LIMCH1: variants seen among roughly 807,000 people sequenced by gnomAD.
The protein encoded by LIMCH1 is LIM and calponin homology domains 1.
Under a neutral mutation model 176.5 loss-of-function variants are expected in LIMCH1, and 113 were observed. That is an observed-to-expected ratio of 0.64 (90% confidence interval 0.55 to 0.75). The LOEUF is 0.75. LIMCH1 is among the 30% of genes least tolerant of loss of function. The pLI, the probability that LIMCH1 is intolerant of heterozygous loss-of-function variation, is 0.00. For missense variants in LIMCH1, 1,674 were observed against 1,814.9 expected, an observed-to-expected ratio of 0.92 and a Z score of 1.41; for synonymous variants, 619 against 645.9, an observed-to-expected ratio of 0.96 and a Z score of 0.63.
chr4:41,659,614 C>A (rs563654407), intron 18 of LIMCH1, among the ~76,000 whole-genome samples: 4 of 151,986 alleles, frequency 2.6e-5, no homozygotes, highest in Non-Finnish European at 5.9e-5. Flanking sequence ...TCTCGAGAAC[C>A]CATGGGGATA....
At chr4:41,509,595 C>T (rs530324769) in intron 2 of LIMCH1, among the ~76,000 whole-genome samples, 15 of 152,268 alleles carry the variant, frequency 9.9e-5, no homozygotes, top group South Asian at 6.2e-4. Context: ...CATTTCAACC[C>T]GCTCCTTTTC....
chr4:41,472,207 AT>A (rs930535026), intron 1 of LIMCH1, among the ~76,000 whole-genome samples: 5 of 152,112 alleles, frequency 3.3e-5, no homozygotes, highest in Non-Finnish European at 7.4e-5. Flanking sequence ...GCTTATGCAC[AT>A]TTTTTTAAAG....
chr4:41,380,873 A>G (rs1424345689), intron 1 of LIMCH1, among the ~76,000 whole-genome samples: 1 of 152,226 alleles, frequency 6.6e-6, no homozygotes, highest in East Asian at 1.9e-4. Context: ...TCAGTATTTT[A>G]TGGCATACTA....
chr4:41,412,014 T>C (rs1000281440), intron 1 of LIMCH1, among the ~76,000 whole-genome samples: 5 of 143,386 alleles, frequency 3.5e-5, no homozygotes, highest in Admixed American at 7.0e-5. Flanking sequence ...GTTGAAAACC[T>C]GTTACATGGA....
rs529868942 is a variant in LIMCH1, at chr4:41,370,522, T to TA, written c.96+9595dup. 1.7e-3 allele frequency among the ~76,000 whole-genome samples: 250 copies of TA among 151,168 alleles called. 7 individuals carry two copies. The South Asian group carries it at 0.045, about 27-fold the overall frequency. Reference sequence around the variant, plus strand: ...CCCCTCTTCTTTTCCTATGGAAAATTAAAAAAAAAGTTGCCTGTGGAGCTG... The same window carrying TA: ...CCCCTCTTCTTTTCCTATGGAAAATTAAAAAAAAAAGTTGCCTGTGGAGCTG... On this transcript the variant is annotated intron_variant, in intron 1 of 26. Coordinates refer to the LIMCH1 transcript ENST00000313860.
chr4:41,359,814 C>T (rs2051779234), upstream of LIMCH1: 1 of 152,200 alleles, frequency 6.6e-6, no homozygotes, highest in African/African-American at 2.4e-5. Flanking sequence ...GTCAGCCTCC[C>T]AGCCAAAAGG....
intron 2 of LIMCH1, among the ~76,000 whole-genome samples, chr4:41,518,699 G>A (rs528459962): frequency 6.6e-6 from 1 of 152,258 alleles, no homozygotes; most frequent in East Asian, 1.9e-4. Flanking sequence ...AGCCCCACAT[G>A]CATTAGGTAT....
intron 20 of LIMCH1, among the ~76,000 whole-genome samples, 161 bp from the exon 21 acceptor site, chr4:41,666,400 C>T (rs986133560): frequency 6.6e-6 from 1 of 152,096 alleles, no homozygotes; most frequent in Admixed American, 6.5e-5. Flanking sequence ...AGGATGAAAG[C>T]GTTTTAGGGA....
chr4:41,476,930 G>C lies in LIMCH1; in HGVS notation c.97-17606G>C, dbSNP rs568747097. ...GCACAGATGTGTTGATGTTTTTCTGGATTTGGGGGTTTATTTTCTTATTAC... is the reference window on the plus strand; with the variant it reads ...GCACAGATGTGTTGATGTTTTTCTGCATTTGGGGGTTTATTTTCTTATTAC... On this transcript the variant is annotated intron_variant, in intron 1 of 26. Transcript: ENST00000313860. Among the ~76,000 whole-genome samples, 82 of 152,294 alleles carry C rather than the reference G, an allele frequency of 5.4e-4. 1 individual carries two copies. The highest frequency in any genetic ancestry group is 1.9e-3 in the African/African-American group (80 of 41,570).
intron 20 of LIMCH1, among the ~76,000 whole-genome samples, chr4:41,665,753 T>C (rs1481400248): frequency 1.3e-5 from 2 of 152,170 alleles, no homozygotes; most frequent in Non-Finnish European, 2.9e-5. Flanking sequence ...CATTTTTGTT[T>C]TAATAAGTTT....
At chr4:41,528,135 A>G (rs1340101504) in intron 3 of LIMCH1, among the ~76,000 whole-genome samples, 1 of 150,170 alleles carries the variant, frequency 6.7e-6, no homozygotes, top group African/African-American at 2.5e-5. Context: ...TGTCATGTAT[A>G]CAACCAATCC....
chr4:41,360,048 TG>T (rs2051797304), upstream of LIMCH1, among the ~76,000 whole-genome samples: 1 of 151,776 alleles, frequency 6.6e-6, no homozygotes, highest in South Asian at 2.1e-4. The surrounding 1 kb of genome is among the most constrained non-coding windows in gnomAD (Gnocchi z 4.5). Flanking sequence ...TGTGTGTGTG[TG>T]TGTGTGTGTT....
chr4:41,547,515 A>ATT (rs2079632321), intron 1 of LIMCH1, among the ~76,000 whole-genome samples: 1 of 150,526 alleles, frequency 6.6e-6, no homozygotes. Flanking sequence ...TGGGCTAATA[A>ATT]TTTAAGTTTC....
intron 1 of LIMCH1, among the ~76,000 whole-genome samples, chr4:41,445,686 C>G (rs749904795): frequency 8.5e-5 from 13 of 152,172 alleles, no homozygotes; most frequent in Non-Finnish European, 1.8e-4. Context: ...ACGATACTTT[C>G]AAATGGAATT....
intron 2 of LIMCH1, among the ~76,000 whole-genome samples, chr4:41,509,275 G>A (rs1279598103): frequency 6.6e-6 from 1 of 152,118 alleles, no homozygotes; most frequent in Non-Finnish European, 1.5e-5. Flanking sequence ...AGCAACCCCA[G>A]TGAACCTAGA....
intron 21 of LIMCH1, among the ~76,000 whole-genome samples, chr4:41,667,806 G>A (rs1456834053): frequency 1.3e-5 from 2 of 151,988 alleles, no homozygotes; most frequent in Non-Finnish European, 2.9e-5. Flanking sequence ...CAACTAGACC[G>A]CTGAGTTTTA....
chr4:41,485,866 T>TGCAA (rs1010670795), intron 1 of LIMCH1, among the ~76,000 whole-genome samples: 16 of 152,064 alleles, frequency 1.1e-4, no homozygotes, highest in Non-Finnish European at 2.2e-4. Context: ...AGGAGACCCT[T>TGCAA]GACCTATGTA....
At chr4:41,376,169 T>C (rs1329858207) in intron 1 of LIMCH1, among the ~76,000 whole-genome samples, 3 of 152,202 alleles carry the variant, frequency 2.0e-5, no homozygotes, top group African/African-American at 7.2e-5. Flanking sequence ...TAGAACGAAA[T>C]GTACTTGCCA....
intron 1 of LIMCH1, among the ~76,000 whole-genome samples, chr4:41,482,047 C>T (rs4861115): frequency 0.4 from 59,992 of 151,868 alleles, 14,718 homozygotes; most frequent in African/African-American, 0.69. Context: ...GATGGGGTTT[C>T]GCCATGTTGG....
Sources: gnomAD v4.1 joint callset for allele counts (sites outside exome capture counted in the v4.1 genomes callset) on GRCh38, gnomAD v4.1.1 for gene constraint, Gnocchi (gnomAD v3.1) non-coding constraint, MANE v1.5 for transcripts, NCBI Gene and HGNC (gene_info 2026-07-23, HGNC 2026-07-21) for gene names.